Variants in SLCO1B3 observed in about 807,000 individuals in gnomAD.
SLCO1B3 encodes solute carrier organic anion transporter family member 1B3.
In SLCO1B3, 72 loss-of-function variants were observed where a neutral mutation model predicts 71.8. That is an observed-to-expected ratio of 1.00 (90% CI 0.83 to 1.22). The LOEUF (loss-of-function observed/expected upper bound fraction) is 1.22. Among genes scored for constraint, SLCO1B3 ranks in the 50% most tolerant of loss-of-function variants. The pLI, the probability that SLCO1B3 is intolerant of heterozygous loss-of-function variation, is 0.00. For missense variants in SLCO1B3, 911 were observed against 819.7 expected, an observed-to-expected ratio of 1.11 and a Z score of -1.36; for synonymous variants, 298 against 278.4, an observed-to-expected ratio of 1.07 and a Z score of -0.70.
In SLCO1B3 at chr12:20,901,420, C is replaced by T; in HGVS notation, c.1818C>T (p.Ser606=). ...DKTCMKWSTN[S]CGAQGACRIY... ...CATGTATGAAGTGGTCCACCAACAG[C>T]TGTGGAGCACAAGGGGCTTGTAGGA... is the stretch of plus-strand genomic sequence containing the variant. The change falls in exon 15 of 16, where the codon AGC becomes AGT. Residue 606 remains serine, a synonymous_variant. Coordinates refer to ENST00000381545, the MANE Select transcript of SLCO1B3 (RefSeq NM_019844.4). 6.3e-7 allele frequency: 1 copy of T among 1,582,528 alleles called. No homozygotes were observed. The highest frequency in any genetic ancestry group is 8.5e-7 in the Non-Finnish European group (1 of 1,169,686).
At chr12:20,830,414 G>GTA (rs1317391016) in intron 3 of SLCO1B3, among the ~76,000 whole-genome samples, 1 of 152,100 alleles carries the variant, frequency 6.6e-6, no homozygotes, top group African/African-American at 2.4e-5. Context: ...AGAGGTGAGG[G>GTA]TATGTTCACA....
chr12:20,861,977 T>C (rs1193282511), intron 6 of SLCO1B3, among the ~76,000 whole-genome samples: 1 of 152,118 alleles, frequency 6.6e-6, no homozygotes, highest in Non-Finnish European at 1.5e-5. Context: ...AAGAAGAGAT[T>C]GTTTAACCAA....
intron 5 of SLCO1B3, among the ~76,000 whole-genome samples, chr12:20,859,483 GTTTTT>G (rs139504676): frequency 4.8e-4 from 70 of 146,708 alleles, no homozygotes; most frequent in African/African-American, 1.3e-3. Context: ...TATGAATTCT[GTTTTT>G]TTCCCCCTCT....
intron 9 of SLCO1B3, among the ~76,000 whole-genome samples, chr12:20,875,807 T>C (rs979512073): frequency 2.8e-4 from 42 of 152,086 alleles, no homozygotes; most frequent in African/African-American, 9.7e-4. Context: ...AATTTTTCAT[T>C]CATTTATTTA....
At chr12:20,889,478 T>C (rs1206223222) in intron 13 of SLCO1B3, among the ~76,000 whole-genome samples, 1 of 152,244 alleles carries the variant, frequency 6.6e-6, no homozygotes, top group South Asian at 2.1e-4. Context: ...GGTTTTCCAG[T>C]TTATGTATGT....
chr12:20,856,100 A>G (rs1865130173), intron 4 of SLCO1B3, among the ~76,000 whole-genome samples: 1 of 152,220 alleles, frequency 6.6e-6, no homozygotes, highest in Non-Finnish European at 1.5e-5. Flanking sequence ...CCCAGGCTCA[A>G]TGAAATCATC....
At chr12:20,900,087 G>A (rs1394764045) in intron 14 of SLCO1B3, among the ~76,000 whole-genome samples, 1 of 152,046 alleles carries the variant, frequency 6.6e-6, no homozygotes, top group Non-Finnish European at 1.5e-5. Flanking sequence ...TTAAACCAGT[G>A]GCATAACGTG....
At chr12:20,845,510 T>G (rs1158635142) in intron 3 of SLCO1B3, among the ~76,000 whole-genome samples, 1 of 152,166 alleles carries the variant, frequency 6.6e-6, no homozygotes, top group African/African-American at 2.4e-5. Flanking sequence ...ATATAGATGC[T>G]TCAGTTTGTT....
intron 1 of SLCO1B3, among the ~76,000 whole-genome samples, chr12:20,812,077 T>G (rs1218691161): frequency 6.6e-6 from 1 of 151,966 alleles, no homozygotes; most frequent in Admixed American, 6.6e-5. Context: ...CCAGCTAATT[T>G]TGTATTTTTG....
At chr12:20,862,972 C>G (rs17680137) in intron 8 of SLCO1B3, 118 bp downstream of exon 8, 61,995 of 515,374 alleles carry the variant, frequency 0.12, 4,654 homozygotes, top group Middle Eastern at 0.25. Flanking sequence ...TCAAGAGTTA[C>G]AAGTAGGAAA....
At chr12:20,854,967 C>T in intron 3 of SLCO1B3, 61 bp from the exon 4 acceptor site, 1 of 1,437,320 alleles carries the variant, frequency 7.0e-7, no homozygotes, top group Non-Finnish European at 9.6e-7. Flanking sequence ...TTCCATGTAC[C>T]TATAAACATT....
At chr12:20,906,944 AAAGT>A (rs1162936891) in intron 15 of SLCO1B3, among the ~76,000 whole-genome samples, 1 of 152,156 alleles carries the variant, frequency 6.6e-6, no homozygotes, top group Non-Finnish European at 1.5e-5. Flanking sequence ...TACTGAAAAC[AAAGT>A]AAGAACCAAT....
In SLCO1B3 at chr12:20,836,231, C is replaced by G. The variant is rs987847511; in HGVS notation, c.85-18797C>G. Among the ~76,000 whole-genome samples, 3 of 152,134 alleles carry G rather than the reference C, an allele frequency of 2.0e-5. No individual in the cohort carries two copies. The South Asian group carries it at 6.2e-4, about 32-fold the overall frequency. ...TTAAGATGAGATTTCAGTGGGGACG[C>G]AGCCAAAACATATCACTATTATAAA... On this transcript the variant is annotated intron_variant, in intron 3 of 15. Coordinates refer to ENST00000381545, the MANE Select transcript of SLCO1B3 (RefSeq NM_019844.4).
chr12:20,877,524 A>G (rs1299987759), intron 9 of SLCO1B3, among the ~76,000 whole-genome samples: 1 of 152,062 alleles, frequency 6.6e-6, no homozygotes, highest in East Asian at 1.9e-4. Flanking sequence ...TTTTTAATGG[A>G]TCAACATTGT....
At chr12:20,914,881 C>T (rs1417165977) in intron 15 of SLCO1B3, among the ~76,000 whole-genome samples, 1 of 152,066 alleles carries the variant, frequency 6.6e-6, no homozygotes, top group Non-Finnish European at 1.5e-5. Context: ...CTGATGTAAT[C>T]TTTTCTACTC....
intron 2 of SLCO1B3, among the ~76,000 whole-genome samples, chr12:20,815,349 T>C (rs1300567284): frequency 6.6e-6 from 1 of 152,222 alleles, no homozygotes; most frequent in Non-Finnish European, 1.5e-5. Context: ...TCTGGATATG[T>C]AGAAAATATA....
chr12:20,817,350 T>G (rs1402723606), intron 3 of SLCO1B3, among the ~76,000 whole-genome samples: 2 of 152,120 alleles, frequency 1.3e-5, no homozygotes, highest in Admixed American at 6.5e-5. Context: ...GTCTTTAGAT[T>G]TAAGTCTTTA....
At chr12:20,894,161 A>G (rs1865955908) in intron 13 of SLCO1B3, among the ~76,000 whole-genome samples, 1 of 152,230 alleles carries the variant, frequency 6.6e-6, no homozygotes, top group African/African-American at 2.4e-5. Context: ...AAATTAAACA[A>G]TTAAATGAAA....
chr12:20,831,266 A>G (rs1864534045), intron 3 of SLCO1B3, among the ~76,000 whole-genome samples: 1 of 151,122 alleles, frequency 6.6e-6, no homozygotes. Flanking sequence ...CTGAGGCAGA[A>G]GAGTCACTTG....
Sources: allele counts gnomAD v4.1 joint callset (sites outside exome capture counted in the v4.1 genomes callset), GRCh38; gene constraint gnomAD v4.1.1; transcripts MANE v1.5; gene names NCBI Gene and HGNC (gene_info 2026-07-23, HGNC 2026-07-21).